The following PTPRN2 variants were observed in gnomAD, a reference collection of about 807,000 sequenced individuals.
PTPRN2 encodes the protein protein tyrosine phosphatase receptor type N2.
In PTPRN2, 74 loss-of-function variants were observed where a neutral mutation model predicts 118.8. That is an observed-to-expected ratio of 0.62 (90% CI 0.52 to 0.76). The LOEUF (loss-of-function observed/expected upper bound fraction) is 0.76, where lower values mean the gene tolerates loss of function less well. Ranked by LOEUF, PTPRN2 falls within the 30% of genes least tolerant of loss-of-function variation. PTPRN2 has a pLI of 0.00. For missense variants in PTPRN2, 1,481 were observed against 1,394.4 expected (o/e 1.06, Z -0.99); for synonymous variants, 641 against 608.0 (o/e 1.05, Z -0.80).
rs192934454 is a variant in PTPRN2, at chr7:158,365,276, G to A, written c.164-48344C>T. Among the ~76,000 whole-genome samples, 499 of 152,268 alleles carry A rather than the reference G, an allele frequency of 3.3e-3. 1 individual carries two copies. The highest frequency in any genetic ancestry group is 6.1e-3 in the Non-Finnish European group (414 of 68,022). On this transcript the variant is annotated intron_variant, in intron 2 of 22. Transcript: ENST00000389418. ...GTCCGTGGGAATTTCTCAGGGCTCC[G>A]GAGGCCAGCGGGGCTGGAGGCAGAC...
At chr7:158,165,304 T>C (rs7785917) in intron 6 of PTPRN2, among the ~76,000 whole-genome samples, 134,401 of 151,452 alleles carry the variant, frequency 0.89, 59,918 homozygotes, top group African/African-American at 0.97. Flanking sequence ...GGAGACGTCG[T>C]CCCAGAGGGA....
intron 14 of PTPRN2, among the ~76,000 whole-genome samples, chr7:157,625,620 T>C (rs1284034089): frequency 3.3e-5 from 5 of 152,170 alleles, no homozygotes; most frequent in Non-Finnish European, 7.4e-5. Flanking sequence ...TTAACAAATA[T>C]GGTGCAGTGT....
At chr7:158,160,103 A>C (rs1334042393) in intron 6 of PTPRN2, among the ~76,000 whole-genome samples, 2 of 152,226 alleles carry the variant, frequency 1.3e-5, no homozygotes, top group Non-Finnish European at 2.9e-5. Flanking sequence ...AGCATAACTT[A>C]AGGAGTTGTG....
chr7:157,939,235 G>A (rs1006151154), intron 11 of PTPRN2, among the ~76,000 whole-genome samples: 19 of 152,032 alleles, frequency 1.2e-4, no homozygotes, highest in Non-Finnish European at 2.8e-4. Context: ...CCTCAATAGC[G>A]AGGTTTCCAG....
chr7:158,074,395 C>T (rs1472628090), intron 11 of PTPRN2, among the ~76,000 whole-genome samples: 3 of 152,324 alleles, frequency 2.0e-5, no homozygotes, highest in Admixed American at 6.5e-5. Context: ...GGTCCTCTGG[C>T]CACGGAAGCC....
At chr7:158,325,503 C>G (rs935307576) in intron 2 of PTPRN2, among the ~76,000 whole-genome samples, 1 of 152,162 alleles carries the variant, frequency 6.6e-6, no homozygotes, top group South Asian at 2.1e-4. Context: ...AACCACAATG[C>G]GCATACCTAT....
chr7:158,059,433 G>A (rs185360922), intron 11 of PTPRN2, among the ~76,000 whole-genome samples: 708 of 75,400 alleles, frequency 9.4e-3, no homozygotes, highest in Non-Finnish European at 0.012. Context: ...ATCTGCCCAC[G>A]GTGAGACATC....
Position 158,467,659 on chromosome 7 carries a change from G to T in PTPRN2, c.163+22076C>A, listed in dbSNP as rs578043415. On this transcript the variant is annotated intron_variant, in intron 2 of 22. Transcript: ENST00000389418. ...GTAAGGTCCCATTTCATTCTTTTGA[G>T]TGTGGATGTCCAGTTTCCCCGAAAC... 5.4e-4 allele frequency among the ~76,000 whole-genome samples: 82 copies of T among 152,278 alleles called. 1 individual carries two copies. In the South Asian group the frequency reaches 0.016, roughly 30 times the overall value.
At position 158,328,799 on chromosome 7, in the gene PTPRN2, C is replaced by T. The variant is rs940604877; in HGVS notation, c.164-11867G>A. 3.6e-3 allele frequency among the ~76,000 whole-genome samples: 537 copies of T among 147,942 alleles called. 9 individuals are homozygous for T. Among genetic ancestry groups the T allele is most frequent in the African/African-American group, 0.013 (517 of 39,232 alleles). On this transcript the variant is annotated intron_variant, in intron 2 of 22. Coordinates refer to ENST00000389418, the MANE Select transcript of PTPRN2 (RefSeq NM_002847.5). ...CTAGGAGCGGGGCCTCCATTCCCCC[C>T]CCCCCGCCACCCAGGGATCCCAGGG...
chr7:158,243,525 TG>T (rs1796012324), intron 3 of PTPRN2, among the ~76,000 whole-genome samples: 1 of 152,240 alleles, frequency 6.6e-6, no homozygotes, highest in African/African-American at 2.4e-5. Flanking sequence ...GATGGTTCTG[TG>T]GACCCCAGAA....
chr7:158,340,672 C>G (rs1285993837), intron 2 of PTPRN2, among the ~76,000 whole-genome samples: 1 of 97,122 alleles, frequency 1.0e-5, no homozygotes, highest in African/African-American at 3.8e-5. Context: ...TCACTCACAC[C>G]CACACTCTCA....
At chr7:158,021,574 A>G (rs1425094597) in intron 11 of PTPRN2, among the ~76,000 whole-genome samples, 2 of 152,002 alleles carry the variant, frequency 1.3e-5, no homozygotes, top group African/African-American at 2.4e-5. Context: ...GTGCAGAAGG[A>G]CAGCACTGTG....
rs1821017588 is a variant in PTPRN2 at position 158,151,100 on chromosome 7, G to GCTCCTACCCCTGCCTGCCCACACTGCTCA, written c.911-12586_911-12585insTGAGCAGTGTGGGCAGGCAGGGGTAGGAG. On this transcript the variant is annotated intron_variant, in intron 6 of 22. Transcript: ENST00000389418. ...TTGCCCCTGCCTGCCCAAACCGCCC[G>GCTCCTACCCCTGCCTGCCCACACTGCTCA]CCTTTCTGCTCCTACCCCTGCCCAC... 1.5e-4 allele frequency among the ~76,000 whole-genome samples: 8 copies of GCTCCTACCCCTGCCTGCCCACACTGCTCA among 53,908 alleles called. No individual in the cohort carries two copies. The East Asian group carries it at 2.7e-3, about 18-fold the overall frequency. The allele number at this position is 53,908 out of a possible 152,430, so 35.4% of individuals were successfully genotyped here.
intron 12 of PTPRN2, among the ~76,000 whole-genome samples, chr7:157,820,759 T>C (rs1806788317): frequency 6.6e-6 from 1 of 152,256 alleles, no homozygotes; most frequent in South Asian, 2.1e-4. Context: ...CTTTTGCATC[T>C]GAGGTTTCAA....
At chr7:158,390,097 T>C (rs1360463334) in intron 2 of PTPRN2, among the ~76,000 whole-genome samples, 1 of 152,238 alleles carries the variant, frequency 6.6e-6, no homozygotes, top group Non-Finnish European at 1.5e-5. Context: ...CGATCTTCTT[T>C]GTGCCCCAGC....
At chr7:158,421,291 C>G (rs1403996980) in intron 2 of PTPRN2, among the ~76,000 whole-genome samples, 1 of 152,174 alleles carries the variant, frequency 6.6e-6, no homozygotes, top group Non-Finnish European at 1.5e-5. Context: ...ATTAGTGACA[C>G]CCACCCTGGT....
At chr7:157,919,242 A>C (rs1798572502) in intron 11 of PTPRN2, among the ~76,000 whole-genome samples, 1 of 152,236 alleles carries the variant, frequency 6.6e-6, no homozygotes, top group Admixed American at 6.5e-5. Flanking sequence ...TGCATTCTCT[A>C]AGCAAAATCT....
intron 6 of PTPRN2, 78 bp downstream of exon 6, chr7:158,166,853 G>C (rs1220624765): frequency 1.2e-5 from 17 of 1,385,648 alleles, no homozygotes; most frequent in Middle Eastern, 5.3e-4. Flanking sequence ...TGTGGGAAGA[G>C]CATGGTGCGT....
intron 11 of PTPRN2, among the ~76,000 whole-genome samples, chr7:158,023,374 A>G (rs73169787): frequency 0.06 from 9,196 of 152,186 alleles, 309 homozygotes; most frequent in Admixed American, 0.091. Context: ...CTCCGTGGCC[A>G]GTGCTGCTCC....
Sources: allele counts gnomAD v4.1 joint callset (sites outside exome capture counted in the v4.1 genomes callset), GRCh38; gene constraint gnomAD v4.1.1; transcripts MANE v1.5; gene names NCBI Gene and HGNC (gene_info 2026-07-23, HGNC 2026-07-21).